LARP1: variants seen among roughly 807,000 people sequenced by gnomAD.
The protein encoded by LARP1 is La ribonucleoprotein 1, translational regulator.
Under a neutral mutation model 122.7 loss-of-function variants are expected in LARP1, and 36 were observed. That is an observed-to-expected ratio of 0.29 (90% CI 0.22 to 0.39). The LOEUF is 0.39. Ranked by LOEUF, LARP1 falls within the 10% of genes least tolerant of loss-of-function variation. The probability of loss-of-function intolerance (pLI) is 1.00; values close to 1 mark genes in which losing one functional copy is unlikely to be tolerated. For synonymous variants in LARP1, 539 were observed against 528.7 expected, an observed-to-expected ratio of 1.02 and a Z score of -0.27; for missense variants, 1,040 against 1,403.6, an observed-to-expected ratio of 0.74 and a Z score of 4.14.
At chr5:154,685,201 G>A (rs6580100) in intron 1 of LARP1, among the ~76,000 whole-genome samples, 92,656 of 150,814 alleles carry the variant, frequency 0.61, 28,670 homozygotes, top group Non-Finnish European at 0.67. Flanking sequence ...CTGAGATCGC[G>A]CCACTGCACT....
chr5:154,763,154 G>T (rs1269763242), intron 1 of LARP1, among the ~76,000 whole-genome samples: 2 of 151,050 alleles, frequency 1.3e-5, no homozygotes, highest in Non-Finnish European at 2.9e-5. Flanking sequence ...TATGCCTCCT[G>T]GGTTCAAGCG....
chr5:154,755,741 G>T lies in LARP1; in HGVS notation c.-17G>T, dbSNP rs957682804. 1.8e-5 allele frequency: 18 copies of T among 987,364 alleles called. No homozygotes were observed. Among genetic ancestry groups the T allele is most frequent in the Non-Finnish European group, 1.9e-5 (16 of 830,464 alleles). The allele number at this position is 987,364 out of a possible 1,614,324, so 61.2% of individuals were successfully genotyped here. On this transcript the variant is annotated 5_prime_UTR_variant, in exon 1 of 19. Transcript: ENST00000518297. ...GCCTCGGGCGCGCCCGGCTTCTCCG[G>T]GGGGGCGGGCGCGCAGATGGCCACT...
At chr5:154,797,685 T>TC (rs1428077532) in intron 8 of LARP1, among the ~76,000 whole-genome samples, 1 of 151,868 alleles carries the variant, frequency 6.6e-6, no homozygotes, top group Non-Finnish European at 1.5e-5. Flanking sequence ...ACCGTCTTTT[T>TC]TTTTTTTTTT....
upstream of LARP1, among the ~76,000 whole-genome samples, chr5:154,709,753 T>C (rs1382483146): frequency 6.6e-6 from 1 of 152,092 alleles, no homozygotes; most frequent in East Asian, 1.9e-4. Flanking sequence ...TGGACTAAAA[T>C]AAGTGTCAGA....
intron 1 of LARP1, among the ~76,000 whole-genome samples, chr5:154,739,191 A>T: frequency 6.7e-6 from 1 of 148,694 alleles, no homozygotes; most frequent in African/African-American, 2.5e-5. Context: ...AATTTTTTGT[A>T]TTTTTTTTTT....
At chr5:154,783,561 A>G (rs1183582597) in intron 1 of LARP1, among the ~76,000 whole-genome samples, 2 of 152,198 alleles carry the variant, frequency 1.3e-5, no homozygotes, top group Non-Finnish European at 2.9e-5. Context: ...GGTTAAGAGC[A>G]CAGGTTTTAG....
intron 1 of LARP1, among the ~76,000 whole-genome samples, chr5:154,778,351 C>T (rs1201717726): frequency 6.7e-6 from 1 of 149,718 alleles, no homozygotes; most frequent in African/African-American, 2.5e-5. Flanking sequence ...ACAGTTGAAA[C>T]TCATTAGGTT....
chr5:154,709,140 T>C (rs752592134), upstream of LARP1, among the ~76,000 whole-genome samples: 1 of 152,180 alleles, frequency 6.6e-6, no homozygotes, highest in Non-Finnish European at 1.5e-5. Flanking sequence ...CTGCAGCCTC[T>C]CCCAAAAGTT....
intron 1 of LARP1, among the ~76,000 whole-genome samples, chr5:154,701,293 C>G (rs1754700740): frequency 1.3e-5 from 2 of 152,190 alleles, no homozygotes; most frequent in Admixed American, 6.5e-5. Context: ...CTTCGTTTGT[C>G]TGACAGAATT....
chr5:154,742,324 G>T (rs1267637373), intron 1 of LARP1, among the ~76,000 whole-genome samples: 1 of 152,218 alleles, frequency 6.6e-6, no homozygotes, highest in Non-Finnish European at 1.5e-5. Flanking sequence ...CACATTGGGA[G>T]GCCAAGGCAG....
chr5:154,803,799 C>A lies in LARP1; in HGVS notation c.2439+54C>A. 6.6e-7 allele frequency: 1 copy of A among 1,523,890 alleles called. No homozygotes were observed. Among genetic ancestry groups the A allele is most frequent in the Non-Finnish European group, 9.1e-7 (1 of 1,100,590 alleles). 94.4% of individuals were successfully genotyped at this position (1,523,890 alleles called of 1,614,324 possible). A position where few individuals can be genotyped will look rare whatever the true frequency, so the allele number is the denominator to read the frequency against. On this transcript the variant is annotated intron_variant, in intron 13 of 18. Coordinates refer to ENST00000518297, the MANE Select transcript of LARP1 (RefSeq NM_033551.3). This position sits in a 1 kb window ranked among gnomAD's most constrained non-coding sequence, Gnocchi z 4.4. ...GTCTTGGGTCTACTTCATTGCATTC[C>A]AGTGCTTTGCTTCTCTCCCTTGCCT...
chr5:154,790,822 CT>C (rs1024186260), intron 3 of LARP1, 112 bp downstream of exon 3: 121 of 983,720 alleles, frequency 1.2e-4, no homozygotes, highest in Admixed American at 3.8e-4. Flanking sequence ...TTCATTCTTT[CT>C]TTTTTTTCCC....
At chr5:154,698,465 C>T (rs886572610) in intron 1 of LARP1, among the ~76,000 whole-genome samples, 31 of 152,206 alleles carry the variant, frequency 2.0e-4, no homozygotes, top group African/African-American at 7.0e-4. Context: ...GATGTGGTGG[C>T]AGGCGCCTGT....
At position 154,803,450 on chromosome 5, in the gene LARP1, G is replaced by C; in HGVS notation, c.2233+37G>C. On this transcript the variant is annotated intron_variant, in intron 12 of 18. Coordinates refer to ENST00000518297, the MANE Select transcript of LARP1 (RefSeq NM_033551.3). The surrounding 1 kb of genome is among the most constrained non-coding windows in gnomAD (Gnocchi z 4.4). ...ACACCTGAGATCCTGACATGGGTGA[G>C]AGGATCTAGGGCCCTTGGACTGGGG... 1 of 1,614,124 alleles carries C rather than the reference G, an allele frequency of 6.2e-7. No individual in the cohort carries two copies. The highest frequency in any genetic ancestry group is 2.2e-5 in the East Asian group (1 of 44,874).
chr5:154,790,246 C>A, intron 1 of LARP1, 79 bp from the exon 2 acceptor site: 1 of 1,206,370 alleles, frequency 8.3e-7, no homozygotes, highest in Non-Finnish European at 1.2e-6. Flanking sequence ...GGAGTGGGGA[C>A]GGTGATGAGG....
intron 15 of LARP1, among the ~76,000 whole-genome samples, chr5:154,806,700 A>G (rs967249995): frequency 1.3e-5 from 2 of 152,216 alleles, no homozygotes; most frequent in Non-Finnish European, 2.9e-5. Context: ...AGTCACCTGT[A>G]GTTATTAACT....
At chr5:154,792,835 G>C in intron 4 of LARP1, 39 bp downstream of exon 4, 1 of 1,597,550 alleles carries the variant, frequency 6.3e-7, no homozygotes, top group African/African-American at 1.3e-5. Flanking sequence ...AAGGTGGCAG[G>C]GTAGAACTGT....
At chr5:154,757,006 A>C (rs1298411482) in intron 1 of LARP1, among the ~76,000 whole-genome samples, 1 of 148,298 alleles carries the variant, frequency 6.7e-6, no homozygotes, top group Admixed American at 6.7e-5. Context: ...GTTGGGCGCC[A>C]TGCGCCGCGC....
At chr5:154,710,868 A>G (rs1004521210), upstream of LARP1, among the ~76,000 whole-genome samples, 2 of 152,006 alleles carry the variant, frequency 1.3e-5, no homozygotes, top group African/African-American at 4.8e-5. Flanking sequence ...CCTGGTTCTC[A>G]GCAATACCAA....
Sources: allele counts gnomAD v4.1 joint callset (sites outside exome capture counted in the v4.1 genomes callset), GRCh38; gene constraint gnomAD v4.1.1; non-coding constraint Gnocchi (gnomAD v3.1); transcripts MANE v1.5; gene names NCBI Gene and HGNC (gene_info 2026-07-23, HGNC 2026-07-21).